FHOD3: variants seen among roughly 807,000 people sequenced by gnomAD.
FHOD3 encodes the protein FH1/FH2 domain-containing protein 3.
Under a neutral mutation model 173.0 loss-of-function variants are expected in FHOD3, and 90 were observed. The ratio of observed to expected loss-of-function variants is 0.52; its 90% CI spans 0.44 to 0.62. FHOD3 has a LOEUF of 0.62. FHOD3 is among the 20% of genes least tolerant of loss of function. The pLI, the probability that FHOD3 is intolerant of heterozygous loss-of-function variation, is 0.00. For synonymous variants in FHOD3, 828 were observed against 823.0 expected (o/e 1.01, Z -0.10); for missense variants, 1,945 against 2,034.7 (o/e 0.96, Z 0.85).
intron 17 of FHOD3, among the ~76,000 whole-genome samples, chr18:36,701,352 C>G (rs550470846): frequency 3.3e-5 from 5 of 152,292 alleles, no homozygotes; most frequent in African/African-American, 1.2e-4. Context: ...TTCTGAGGAT[C>G]TGACTCTAAT....
At chr18:36,664,085 T>TA (rs1351156229) in intron 14 of FHOD3, among the ~76,000 whole-genome samples, 3 of 151,530 alleles carry the variant, frequency 2.0e-5, no homozygotes, top group East Asian at 1.9e-4. Flanking sequence ...ACCCAATACT[T>TA]AAAAAAAAAT....
At chr18:36,479,194 T>A (rs1790631) in intron 3 of FHOD3, among the ~76,000 whole-genome samples, 106,731 of 152,136 alleles carry the variant, frequency 0.7, 38,464 homozygotes, top group East Asian at 0.95. Context: ...CATGCATAAA[T>A]TAATTCTCAA....
chr18:36,768,830 T>C (rs529160990), intron 27 of FHOD3, among the ~76,000 whole-genome samples: 5 of 152,306 alleles, frequency 3.3e-5, no homozygotes, highest in African/African-American at 1.2e-4. Flanking sequence ...GCTGACCCAG[T>C]AAGACCCTCA....
At chr18:36,596,438 C>T (rs771281524) in intron 7 of FHOD3, among the ~76,000 whole-genome samples, 5 of 149,744 alleles carry the variant, frequency 3.3e-5, no homozygotes, top group African/African-American at 7.4e-5. Flanking sequence ...CTGCCTCGGC[C>T]TCCCAAAGTG....
At chr18:36,549,508 C>T (rs2057549383) in intron 5 of FHOD3, among the ~76,000 whole-genome samples, 4 of 135,550 alleles carry the variant, frequency 3.0e-5, no homozygotes, top group African/African-American at 8.1e-5. Flanking sequence ...ATGGACCATA[C>T]ATTTAGTGTC....
At chr18:36,399,731 C>T (rs940518808) in intron 3 of FHOD3, among the ~76,000 whole-genome samples, 1 of 152,184 alleles carries the variant, frequency 6.6e-6, no homozygotes, top group African/African-American at 2.4e-5. Context: ...GCAGAAGGCT[C>T]ATTTGGTTTT....
At chr18:36,596,841 T>G (rs1370922199) in intron 7 of FHOD3, among the ~76,000 whole-genome samples, 1 of 151,776 alleles carries the variant, frequency 6.6e-6, no homozygotes, top group Non-Finnish European at 1.5e-5. Context: ...TGGCCAAGAG[T>G]AGATCATGGG....
At chr18:36,688,727 C>T (rs11664763) in intron 16 of FHOD3, among the ~76,000 whole-genome samples, 25,400 of 152,176 alleles carry the variant, frequency 0.17, 2,250 homozygotes, top group Non-Finnish European at 0.19. Context: ...AGGTTAAGTC[C>T]ACACAGACAA....
Position 36,779,670 on chromosome 18 carries a change from C to A in FHOD3, c.*140C>A. ...GAGAGCTCAATTCCCAGCGTCACCC[C>A]ATGGCTTGTGTTGCCTGCTACGCAT... On this transcript the variant is annotated 3_prime_UTR_variant, in exon 29 of 29. Coordinates refer to ENST00000590592, the MANE Select transcript of FHOD3 (RefSeq NM_001281740.3). The A allele has an allele frequency of 1.4e-6, 1 of 726,728 alleles. No individual in the cohort carries two copies. 45.0% of individuals were successfully genotyped at this position (726,728 alleles called of 1,614,324 possible).
intron 4 of FHOD3, among the ~76,000 whole-genome samples, chr18:36,511,256 A>G (rs1187941954): frequency 1.3e-5 from 2 of 152,124 alleles, no homozygotes; most frequent in Non-Finnish European, 2.9e-5. Context: ...AAATCTCCCA[A>G]TCTCAGTTGA....
intron 3 of FHOD3, among the ~76,000 whole-genome samples, chr18:36,409,077 T>C (rs1750081193): frequency 6.6e-6 from 1 of 152,118 alleles, no homozygotes; most frequent in Non-Finnish European, 1.5e-5. Flanking sequence ...CCAGTGCTTC[T>C]CACCGGGCTG....
chr18:36,765,915 G>A (rs2043119956), intron 27 of FHOD3, among the ~76,000 whole-genome samples: 1 of 152,054 alleles, frequency 6.6e-6, no homozygotes, highest in Admixed American at 6.6e-5. Flanking sequence ...AGATTGAAGA[G>A]ATTTGAAGAG....
chr18:36,714,257 C>G (rs1450799586), intron 18 of FHOD3, among the ~76,000 whole-genome samples: 1 of 152,132 alleles, frequency 6.6e-6, no homozygotes, highest in Non-Finnish European at 1.5e-5. Flanking sequence ...ACCTGATTGC[C>G]TGGGCGTGGT....
At chr18:36,405,249 A>G (rs887444877) in intron 3 of FHOD3, among the ~76,000 whole-genome samples, 2 of 152,254 alleles carry the variant, frequency 1.3e-5, no homozygotes, top group Non-Finnish European at 2.9e-5. Context: ...GAATTTGTGC[A>G]TCTGTAAGAT....
chr18:36,701,893 G>A (rs140650944), intron 17 of FHOD3, among the ~76,000 whole-genome samples: 43 of 152,282 alleles, frequency 2.8e-4, no homozygotes, highest in African/African-American at 8.9e-4. Flanking sequence ...GCAGGTTCAG[G>A]CCTAAGCCAT....
chr18:36,596,944 G>A (rs928518384), intron 7 of FHOD3, among the ~76,000 whole-genome samples: 1 of 152,210 alleles, frequency 6.6e-6, no homozygotes, highest in Non-Finnish European at 1.5e-5. Flanking sequence ...GGTCAGCAGT[G>A]TGTGTTTTGG....
intron 5 of FHOD3, among the ~76,000 whole-genome samples, chr18:36,513,929 T>G (rs142782955): frequency 7.2e-4 from 109 of 152,178 alleles, no homozygotes; most frequent in African/African-American, 2.6e-3. Context: ...TTGTCTACTT[T>G]CAGTCTTTTT....
chr18:36,724,876 G>A (rs1285943066), intron 19 of FHOD3, among the ~76,000 whole-genome samples: 1 of 152,194 alleles, frequency 6.6e-6, no homozygotes, highest in African/African-American at 2.4e-5. Context: ...TCTGCCGTGG[G>A]CGTTCAGCTT....
At chr18:36,646,735 C>A (rs2035710860) in intron 10 of FHOD3, among the ~76,000 whole-genome samples, 1 of 152,050 alleles carries the variant, frequency 6.6e-6, no homozygotes, top group Non-Finnish European at 1.5e-5. Flanking sequence ...TGAAATGAAG[C>A]TTTTAGAAGG....
Sources: gnomAD v4.1 joint callset for allele counts (sites outside exome capture counted in the v4.1 genomes callset) on GRCh38, gnomAD v4.1.1 for gene constraint, MANE v1.5 for transcripts, NCBI Gene and HGNC (gene_info 2026-07-23, HGNC 2026-07-21) for gene names.